PXT1: variants seen among roughly 807,000 people sequenced by gnomAD.
PXT1 encodes the protein peroxisomal testis-specific protein 1.
Under a neutral mutation model 11.0 loss-of-function variants are expected in PXT1, and 11 were observed. The ratio of observed to expected loss-of-function variants is 1.00; its 90% CI spans 0.63 to 1.66. The LOEUF (loss-of-function observed/expected upper bound fraction) is 1.66, where lower values mean the gene tolerates loss of function less well. PXT1 is among the 40% of genes most tolerant of loss of function. PXT1 has a pLI of 0.00. For missense variants in PXT1, 141 were observed against 155.5 expected (o/e 0.91, Z 0.49); for synonymous variants, 43 against 51.4 (o/e 0.84, Z 0.70).
intron 3 of PXT1, 114 bp downstream of exon 3, chr6:36,425,800 C>CAAAAACAAACGAACAAAA (rs1433662209): frequency 4.6e-6 from 1 of 215,662 alleles, no homozygotes; most frequent in African/African-American, 3.4e-5. Flanking sequence ...AAAACAAAAA[C>CAAAAACAAACGAACAAAA]AAAAAATATA....
intron 3 of PXT1, among the ~76,000 whole-genome samples, chr6:36,408,703 CAAAAAAAA>C (rs60161051): frequency 0.012 from 1,378 of 113,424 alleles, 31 homozygotes; most frequent in African/African-American, 0.045. Flanking sequence ...CTGTCTCTAC[CAAAAAAAA>C]AAAAAAAAAA....
intron 3 of PXT1, among the ~76,000 whole-genome samples, chr6:36,424,776 G>A (rs1300191416): frequency 1.3e-5 from 2 of 152,056 alleles, no homozygotes; most frequent in African/African-American, 2.4e-5. Context: ...CGAGGCGGGC[G>A]GATGACTTGA....
intron 2 of PXT1, among the ~76,000 whole-genome samples, chr6:36,427,999 G>A (rs1229392700): frequency 6.6e-6 from 1 of 152,162 alleles, no homozygotes; most frequent in East Asian, 1.9e-4. Flanking sequence ...ATGAGGTGTT[G>A]TGGGTTTCTG....
At chr6:36,440,280 G>C (rs558821791) in intron 1 of PXT1, among the ~76,000 whole-genome samples, 1 of 152,160 alleles carries the variant, frequency 6.6e-6, no homozygotes, top group Admixed American at 6.5e-5. Flanking sequence ...ATTCTTAAGA[G>C]TCAACCTTGA....
chr6:36,428,863 C>T (rs1025559107), intron 2 of PXT1, among the ~76,000 whole-genome samples: 1 of 151,930 alleles, frequency 6.6e-6, no homozygotes, highest in Non-Finnish European at 1.5e-5. Context: ...ACCAAGTTGT[C>T]CAGGCTGGTC....
At chr6:36,430,878 G>C (rs776301195) in intron 2 of PXT1, among the ~76,000 whole-genome samples, 2 of 151,968 alleles carry the variant, frequency 1.3e-5, no homozygotes, top group Non-Finnish European at 2.9e-5. Flanking sequence ...GCAGTGCCGC[G>C]ATCTTGGCTC....
At chr6:36,423,399 G>A (rs957619629) in intron 3 of PXT1, among the ~76,000 whole-genome samples, 2 of 152,242 alleles carry the variant, frequency 1.3e-5, no homozygotes, top group African/African-American at 2.4e-5. Context: ...GCTTTCTGTG[G>A]TGGAAAAAGC....
At chr6:36,433,563 T>C (rs1437941420) in intron 2 of PXT1, among the ~76,000 whole-genome samples, 1 of 151,800 alleles carries the variant, frequency 6.6e-6, no homozygotes, top group Non-Finnish European at 1.5e-5. Context: ...TTCACGCCTG[T>C]AATCCCAGCA....
intron 2 of PXT1, among the ~76,000 whole-genome samples, chr6:36,435,269 T>C (rs1316488175): frequency 1.3e-5 from 2 of 152,162 alleles, no homozygotes; most frequent in East Asian, 3.8e-4. Flanking sequence ...ATTTTAAAAA[T>C]TAACCAGGCC....
intron 4 of PXT1, among the ~76,000 whole-genome samples, chr6:36,396,428 T>C (rs1462714489): frequency 6.6e-6 from 1 of 152,194 alleles, no homozygotes; most frequent in Non-Finnish European, 1.5e-5. Flanking sequence ...CCCTGAAGGC[T>C]CAGGGGTGTC....
intron 3 of PXT1, among the ~76,000 whole-genome samples, chr6:36,414,427 A>G (rs1209143291): frequency 1.3e-5 from 2 of 152,232 alleles, no homozygotes; most frequent in Non-Finnish European, 2.9e-5. Context: ...AAAAGATCAT[A>G]TAGGAAGCTT....
intron 4 of PXT1, among the ~76,000 whole-genome samples, chr6:36,395,509 T>TTTTTC (rs1235054602): frequency 7.3e-6 from 1 of 136,318 alleles, no homozygotes; most frequent in East Asian, 2.2e-4. Context: ...TTTTTTTTTT[T>TTTTTC]TTTTTTTTTT....
chr6:36,427,907 A>G (rs1774631686), intron 2 of PXT1, among the ~76,000 whole-genome samples: 1 of 152,154 alleles, frequency 6.6e-6, no homozygotes, highest in South Asian at 2.1e-4. Flanking sequence ...CAAATGTACC[A>G]TATTTTCCAG....
intron 3 of PXT1, 114 bp downstream of exon 3, chr6:36,425,800 C>CAAAAACAAACAAACAA (rs1433662209): frequency 2.1e-3 from 464 of 216,616 alleles, no homozygotes; most frequent in African/African-American, 7.4e-3. Flanking sequence ...AAAACAAAAA[C>CAAAAACAAACAAACAA]AAAAAATATA....
At chr6:36,438,292 A>G (rs1298776276) in intron 2 of PXT1, among the ~76,000 whole-genome samples, 1 of 152,242 alleles carries the variant, frequency 6.6e-6, no homozygotes, top group Admixed American at 6.5e-5. Flanking sequence ...CCAGATCCCA[A>G]TAAAATAAAA....
intron 2 of PXT1, among the ~76,000 whole-genome samples, chr6:36,426,405 T>C (rs1774608681): frequency 7.0e-6 from 1 of 141,856 alleles, no homozygotes; most frequent in Non-Finnish European, 1.5e-5. Context: ...AGTTTTGCTC[T>C]TGTTGCCCAG....
chr6:36,436,345 CACTG>C (rs1242006688), intron 2 of PXT1, among the ~76,000 whole-genome samples: 1 of 152,098 alleles, frequency 6.6e-6, no homozygotes. Flanking sequence ...GGCAAGAGAC[CACTG>C]TAGTAATTCA....
At chr6:36,395,846 CA>C (rs1368484349) in intron 4 of PXT1, among the ~76,000 whole-genome samples, 5 of 151,682 alleles carry the variant, frequency 3.3e-5, no homozygotes, top group African/African-American at 1.2e-4. Context: ...CAAAAAAATA[CA>C]AAAAAATTAC....
chr6:36,428,604 C>A (rs1774641947), intron 2 of PXT1, among the ~76,000 whole-genome samples: 1 of 152,040 alleles, frequency 6.6e-6, no homozygotes, highest in South Asian at 2.1e-4. Context: ...CTAACCACAG[C>A]CTTTTAAATT....
Sources: allele counts gnomAD v4.1 joint callset (sites outside exome capture counted in the v4.1 genomes callset), GRCh38; gene constraint gnomAD v4.1.1; transcripts MANE v1.5; gene names NCBI Gene and HGNC (gene_info 2026-07-23, HGNC 2026-07-21).